Variants in ZNF638 observed in about 807,000 individuals in gnomAD.
ZNF638 encodes CTCL tumor antigen se33-1.
In ZNF638, 46 loss-of-function variants were observed where a neutral mutation model predicts 195.6. The ratio of observed to expected loss-of-function variants is 0.24; its 90% CI spans 0.19 to 0.30. ZNF638 has a LOEUF of 0.30. Among genes scored for constraint, ZNF638 ranks in the 10% least tolerant of loss-of-function variants. The pLI is 1.00. For missense variants in ZNF638, 2,440 were observed against 2,325.3 expected, an observed-to-expected ratio of 1.05 and a Z score of -1.01; for synonymous variants, 845 against 772.0, an observed-to-expected ratio of 1.09 and a Z score of -1.57.
At position 71,417,058 on chromosome 2, in the gene ZNF638, G is replaced by A. The variant is rs527574353; in HGVS notation, c.3262-1544G>A. 2.1e-4 allele frequency among the ~76,000 whole-genome samples: 26 copies of A among 124,162 alleles called. No homozygotes were observed. In the East Asian group the frequency reaches 5.5e-3, roughly 26 times the overall value. 81.5% of individuals were successfully genotyped at this position (124,162 alleles called of 152,430 possible). A position where few individuals can be genotyped will look rare whatever the true frequency, so the allele number is the denominator to read the frequency against. ...TACCTAAGCAAGCCTGGGCAATGGC[G>A]GGCGCCCCTCCCCCAGCCTCGTTGC... On this transcript the variant is annotated intron_variant, in intron 20 of 27. Transcript: ENST00000264447.
chr2:71,337,910 G>T (rs917601896), intron 1 of ZNF638, among the ~76,000 whole-genome samples: 1 of 152,076 alleles, frequency 6.6e-6, no homozygotes, highest in Admixed American at 6.6e-5. Flanking sequence ...CATTTTTGAA[G>T]AATACAATCT....
intron 10 of ZNF638, among the ~76,000 whole-genome samples, chr2:71,382,260 CT>C (rs2079547171): frequency 1.3e-5 from 2 of 152,182 alleles, no homozygotes; most frequent in East Asian, 3.9e-4. Context: ...TAGAGATATT[CT>C]TTAGTCAGCC....
chr2:71,380,588 C>G (rs372576864), intron 10 of ZNF638, 23 bp downstream of exon 10: 2 of 1,575,392 alleles, frequency 1.3e-6, no homozygotes, highest in Non-Finnish European at 1.7e-6. Flanking sequence ...TTTTAATATT[C>G]TTTCAAATGA....
At chr2:71,418,919 T>A (rs1166071723) in intron 21 of ZNF638, among the ~76,000 whole-genome samples, 2 of 152,216 alleles carry the variant, frequency 1.3e-5, no homozygotes, top group Admixed American at 6.5e-5. Flanking sequence ...TAAAATGTTT[T>A]AAGACTCTCG....
At position 71,331,834 on chromosome 2, in the gene ZNF638, T is replaced by TG. The variant is rs1315615564; in HGVS notation, c.-240dup. The TG allele has an allele frequency of 9.1e-6, 9 of 985,972 alleles. No individual in the cohort carries two copies. The highest frequency in any genetic ancestry group is 9.6e-6 in the Non-Finnish European group (8 of 830,210). 61.1% of individuals were successfully genotyped at this position (985,972 alleles called of 1,614,324 possible). On this transcript the variant is annotated 5_prime_UTR_variant, in exon 1 of 28. Coordinates refer to ENST00000264447, the MANE Select transcript of ZNF638 (RefSeq NM_014497.5). ...ACTGGAGGCTGAGTGCTAAACTGTGTGGGGCGCGGATGGGATCCAGCTGTT... is the reference window on the plus strand; with the variant it reads ...ACTGGAGGCTGAGTGCTAAACTGTGTGGGGGCGCGGATGGGATCCAGCTGTT...
At chr2:71,346,836 A>G (rs2078858010) in intron 1 of ZNF638, among the ~76,000 whole-genome samples, 1 of 152,128 alleles carries the variant, frequency 6.6e-6, no homozygotes, top group African/African-American at 2.4e-5. Context: ...CCTGGCCGAC[A>G]TGACGAAACC....
chr2:71,380,228 G>T lies in ZNF638; in HGVS notation c.2272G>T (p.Glu758Ter). 1 of 1,547,480 alleles carries T rather than the reference G, an allele frequency of 6.5e-7. No individual in the cohort carries two copies. Among genetic ancestry groups the T allele is most frequent in the Admixed American group, 2.2e-5 (1 of 45,662 alleles). The change falls in exon 9 of 28, where the codon GAG becomes TAG. Residue 758 changes from glutamate (E) to a stop codon, truncating the protein, a stop_gained. Transcript: ENST00000264447. LOFTEE classifies it high-confidence loss of function. Reference sequence around the variant, plus strand: ...AAATATTTTTCCTACGTAGAACAAAGAGGTGAAGAAAAAGACTTTAGAGTC... The same window carrying T: ...AAATATTTTTCCTACGTAGAACAAATAGGTGAAGAAAAAGACTTTAGAGTC... ...VPGKKKAQNKEVKKKTLESKK... is the reference protein window; with the variant it reads ...VPGKKKAQNK
intron 10 of ZNF638, among the ~76,000 whole-genome samples, chr2:71,381,484 A>C (rs775549920): frequency 6.6e-6 from 1 of 152,112 alleles, no homozygotes; most frequent in Non-Finnish European, 1.5e-5. Context: ...AGGTAACATT[A>C]TGTGAAGAGA....
intron 27 of ZNF638, 152 bp downstream of exon 27, chr2:71,433,435 T>C (rs1395157516): frequency 5.0e-6 from 3 of 596,760 alleles, no homozygotes; most frequent in Non-Finnish European, 8.8e-6. Flanking sequence ...TCAGTGTACC[T>C]TGCCTGTAAT....
chr2:71,404,499 C>T (rs1167812352), intron 17 of ZNF638, among the ~76,000 whole-genome samples: 2 of 152,026 alleles, frequency 1.3e-5, no homozygotes, highest in East Asian at 3.9e-4. Context: ...TGTGTGAGCC[C>T]AGGACTTCAG....
intron 1 of ZNF638, among the ~76,000 whole-genome samples, chr2:71,348,099 G>C (rs549568498): frequency 6.6e-6 from 1 of 152,148 alleles, no homozygotes; most frequent in Non-Finnish European, 1.5e-5. Context: ...CCAAGGGAAG[G>C]GTTACTGGTT....
At chr2:71,428,756 A>G (rs748461733) in intron 25 of ZNF638, 105 bp downstream of exon 25, 52 of 966,218 alleles carry the variant, frequency 5.4e-5, no homozygotes, top group Non-Finnish European at 6.6e-5. Flanking sequence ...AGTGGAATAG[A>G]GCAGGGGTGG....
At chr2:71,428,728 G>A (rs2080592418) in intron 25 of ZNF638, 77 bp downstream of exon 25, 10 of 1,285,936 alleles carry the variant, frequency 7.8e-6, no homozygotes, top group Non-Finnish European at 1.1e-5. Context: ...ATCTATCTAA[G>A]AAGAAAAGTA....
intron 10 of ZNF638, among the ~76,000 whole-genome samples, chr2:71,389,194 C>A (rs1300108253): frequency 6.6e-6 from 1 of 152,092 alleles, no homozygotes; most frequent in Non-Finnish European, 1.5e-5. Flanking sequence ...CCTGAGCCCC[C>A]TCCCCCAATA....
Position 71,426,500 on chromosome 2 carries a change from T to A in ZNF638, c.4631T>A (p.Val1544Glu). The part of the protein sequence containing the change: ...FPFNLDEFVT[V>E]DEVIEEVNPS... ...TTTAATTTGGATGAATTTGTTACTG[T>A]GGATGAGGTTATAGAAGAAGTGAAT... Residue 1544 changes from valine (V) to glutamate (E), a missense_variant, in exon 24 of 28, where the codon GTG (valine) becomes GAG (glutamate). By Grantham distance (121) the Val-to-Glu change is moderately radical (BLOSUM62 -2). Around this residue, in one of 5 missense-constraint regions of ZNF638, gnomAD observed 1,883 missense variants for 1,739.1 expected, o/e 1.08. Transcript: ENST00000264447. 6.3e-7 allele frequency: 1 copy of A among 1,595,528 alleles called. No individual in the cohort carries two copies. The highest frequency in any genetic ancestry group is 1.4e-5 in the African/African-American group (1 of 73,640).
chr2:71,399,568 G>C lies in ZNF638; in HGVS notation c.2510G>C (p.Gly837Ala), dbSNP rs370402548. Residue 837 changes from glycine to alanine, a missense_variant, in exon 13 of 28, where the codon GGT becomes GCT. Gly to Ala is a moderately conservative substitution (Grantham distance 60). Coordinates refer to ENST00000264447, the MANE Select transcript of ZNF638 (RefSeq NM_014497.5). ...NKASIKTAKS[G>A]GKKSLEAKKT... ...ACTGTACTTTTACAAGCAAAATCTG[G>C]TGGAAAGAAGTCTCTAGAAGCCAAA... The C allele has an allele frequency of 4.0e-5, 65 of 1,611,406 alleles. No homozygotes were observed. The highest frequency in any genetic ancestry group is 1.7e-4 in the Middle Eastern group (1 of 6,058).
intron 16 of ZNF638, among the ~76,000 whole-genome samples, chr2:71,402,402 T>C (rs994774187): frequency 3.3e-5 from 5 of 152,102 alleles, no homozygotes; most frequent in African/African-American, 1.2e-4. Flanking sequence ...TTAATATGTT[T>C]AATAGTAGGA....
intron 5 of ZNF638, 28 bp downstream of exon 5, chr2:71,364,280 T>C (rs1558844015): frequency 6.4e-7 from 1 of 1,560,986 alleles, no homozygotes; most frequent in Non-Finnish European, 8.7e-7. Flanking sequence ...AAATAGTGAA[T>C]GTACTTATTT....
chr2:71,426,463 C>G lies in ZNF638; in HGVS notation c.4594C>G (p.Pro1532Ala), dbSNP rs748927790. ...TGRSSKSKEE[P>A]LFPFNLDEFV... is the part of the protein sequence containing the mutation. ...ATGATTTTTAACTTTCCAACAGGAG[C>G]CATTATTTCCATTTAATTTGGATGA... Residue 1532 changes from proline (P) to alanine (A), a missense_variant, in exon 24 of 28, where the codon CCA (proline) becomes GCA (alanine). Physicochemically the swap from Pro to Ala is conservative, Grantham distance 27 (BLOSUM62 -1). Transcript: ENST00000264447. The G allele has an allele frequency of 1.6e-5, 25 of 1,558,904 alleles. No individual in the cohort carries two copies. In the South Asian group the frequency reaches 3.1e-4, roughly 19 times the overall value.
Sources: gnomAD v4.1 joint callset for allele counts (sites outside exome capture counted in the v4.1 genomes callset) on GRCh38, gnomAD v4.1.1 for gene constraint, gnomAD v4.1.1 regional missense constraint, MANE v1.5 for transcripts, NCBI Gene and HGNC (gene_info 2026-07-23, HGNC 2026-07-21) for gene names.